Variants in CSMD1 observed in about 807,000 individuals in gnomAD.
CSMD1 encodes CUB and sushi domain-containing protein 1.
A neutral mutation model predicts 417.5 loss-of-function variants in CSMD1; 213 were observed. The ratio of observed to expected loss-of-function variants is 0.51; its 90% CI spans 0.46 to 0.57. CSMD1 has a LOEUF of 0.57. Ranked by LOEUF, CSMD1 falls within the 20% of genes least tolerant of loss-of-function variation. The probability of loss-of-function intolerance (pLI) is 0.00; values close to 1 mark genes in which losing one functional copy is unlikely to be tolerated. For synonymous variants in CSMD1, 2,862 were observed against 1,736.8 expected, an observed-to-expected ratio of 1.65 and a Z score of -16.11; for missense variants, 6,923 against 4,529.7, an observed-to-expected ratio of 1.53 and a Z score of -15.17.
chr8:3,683,828 C>A lies in CSMD1; in HGVS notation c.1009+24586G>T, dbSNP rs188842302. Among the ~76,000 whole-genome samples, 16 of 152,144 alleles carry A rather than the reference C, an allele frequency of 1.1e-4. No individual in the cohort carries two copies. In the East Asian group the frequency reaches 2.9e-3, roughly 28 times the overall value. ...TTGATAAAACCAATGTTTGCGTAAT[C>A]ATTCTAAGATGTAAAGAATATTCAT... On this transcript the variant is annotated intron_variant, in intron 7 of 69. Transcript: ENST00000635120.
intron 2 of CSMD1, among the ~76,000 whole-genome samples, chr8:4,552,716 G>T (rs1047604076): frequency 6.6e-6 from 1 of 152,120 alleles, no homozygotes; most frequent in African/African-American, 2.4e-5. Flanking sequence ...ATGCTCAGAA[G>T]CTTTAAAATT....
intron 7 of CSMD1, among the ~76,000 whole-genome samples, chr8:3,623,073 C>A (rs9650509): frequency 0.39 from 58,784 of 151,654 alleles, 11,529 homozygotes; most frequent in Middle Eastern, 0.48. Flanking sequence ...TAGATTGGTT[C>A]ATTACACACC....
chr8:3,292,879 C>G (rs1036886188), intron 25 of CSMD1, among the ~76,000 whole-genome samples: 21 of 151,456 alleles, frequency 1.4e-4, no homozygotes, highest in African/African-American at 2.9e-4. Context: ...ATGATGTTAG[C>G]TGGTTATTTT....
At chr8:3,833,557 T>G (rs1266005663) in intron 5 of CSMD1, among the ~76,000 whole-genome samples, 4 of 152,120 alleles carry the variant, frequency 2.6e-5, no homozygotes, top group Non-Finnish European at 5.9e-5. Flanking sequence ...GTGTCCTAAG[T>G]GGTAATCAAC....
chr8:4,194,917 G>A (rs891386347), intron 3 of CSMD1, among the ~76,000 whole-genome samples: 2 of 151,870 alleles, frequency 1.3e-5, no homozygotes, highest in African/African-American at 4.9e-5. Flanking sequence ...TTTAATGGGA[G>A]ATCACAGTAG....
At chr8:3,136,164 A>T (rs927342713) in intron 41 of CSMD1, among the ~76,000 whole-genome samples, 4 of 152,080 alleles carry the variant, frequency 2.6e-5, no homozygotes, top group African/African-American at 9.7e-5. Flanking sequence ...TAGTCCTAGA[A>T]TATGATCAAG....
intron 5 of CSMD1, among the ~76,000 whole-genome samples, chr8:3,754,409 C>A (rs1302643688): frequency 6.6e-6 from 1 of 150,564 alleles, no homozygotes; most frequent in Non-Finnish European, 1.5e-5. Flanking sequence ...TTCTGTGTTT[C>A]ACAATTTGAA....
At chr8:3,060,372 CTGAACTCCT>C (rs966870607) in intron 49 of CSMD1, among the ~76,000 whole-genome samples, 47 of 152,166 alleles carry the variant, frequency 3.1e-4, no homozygotes, top group African/African-American at 7.9e-4. Flanking sequence ...TCTTGAACTC[CTGAACTCCT>C]TGAACTCCTT....
At chr8:3,609,392 A>G (rs1346562732) in intron 8 of CSMD1, among the ~76,000 whole-genome samples, 1 of 152,210 alleles carries the variant, frequency 6.6e-6, no homozygotes, top group Non-Finnish European at 1.5e-5. Context: ...ACAGTGGTCT[A>G]TGGTGAAAAA....
intron 2 of CSMD1, among the ~76,000 whole-genome samples, chr8:4,529,080 G>C (rs1796666402): frequency 6.6e-6 from 1 of 152,100 alleles, no homozygotes; most frequent in African/African-American, 2.4e-5. Context: ...TTGATCAGAG[G>C]ATAAAGAACT....
At chr8:3,083,648 ATTTTTTTTTTTTTTTTTTTTT>A (rs34049524) in intron 49 of CSMD1, among the ~76,000 whole-genome samples, 13 of 13,572 alleles carry the variant, frequency 9.6e-4, no homozygotes, top group Middle Eastern at 0.071. Flanking sequence ...ATATATATAT[ATTTTTTTTTTTTTTTTTTTTT>A]TTTTTTTTTT....
intron 5 of CSMD1, among the ~76,000 whole-genome samples, chr8:3,997,444 A>G (rs1182799860): frequency 6.6e-6 from 1 of 152,200 alleles, no homozygotes; most frequent in Admixed American, 6.5e-5. Flanking sequence ...AGCCACGGGC[A>G]CTTCCCCACA....
chr8:3,187,586 C>T (rs10216986), intron 36 of CSMD1, among the ~76,000 whole-genome samples: 41,303 of 151,964 alleles, frequency 0.27, 6,283 homozygotes, highest in Non-Finnish European at 0.36. Flanking sequence ...CCTCACATTA[C>T]TATTCCTGGC....
chr8:3,500,612 G>A (rs1482534250), intron 10 of CSMD1, among the ~76,000 whole-genome samples: 1 of 152,184 alleles, frequency 6.6e-6, no homozygotes, highest in Non-Finnish European at 1.5e-5. Context: ...AGGACACCAA[G>A]AATATGGTGT....
intron 25 of CSMD1, among the ~76,000 whole-genome samples, chr8:3,285,463 T>C (rs1458548411): frequency 2.0e-5 from 3 of 151,882 alleles, no homozygotes; most frequent in Non-Finnish European, 2.9e-5. Context: ...CTTGGCTCAC[T>C]GCAACCTCTA....
At chr8:4,281,954 T>A (rs540180045) in intron 3 of CSMD1, among the ~76,000 whole-genome samples, 141 of 152,328 alleles carry the variant, frequency 9.3e-4, no homozygotes, top group Non-Finnish European at 1.5e-3. Flanking sequence ...CTGTTAGGGC[T>A]TGATCAGGTT....
chr8:4,701,010 C>T (rs562440106), intron 1 of CSMD1, among the ~76,000 whole-genome samples: 112 of 152,148 alleles, frequency 7.4e-4, no homozygotes, highest in African/African-American at 2.6e-3. Context: ...TGGGGTTTAT[C>T]GGTGAACGGG....
At chr8:4,702,935 A>G (rs1807678260) in intron 1 of CSMD1, among the ~76,000 whole-genome samples, 1 of 152,228 alleles carries the variant, frequency 6.6e-6, no homozygotes, top group Admixed American at 6.5e-5. Flanking sequence ...TAAAATGACA[A>G]AATTACCCTT....
At chr8:4,122,047 T>C (rs1350279855) in intron 3 of CSMD1, among the ~76,000 whole-genome samples, 1 of 152,052 alleles carries the variant, frequency 6.6e-6, no homozygotes, top group African/African-American at 2.4e-5. Context: ...TATAACTACA[T>C]GTTCCTTTTA....
Sources: allele counts gnomAD v4.1 joint callset (sites outside exome capture counted in the v4.1 genomes callset), GRCh38; gene constraint gnomAD v4.1.1; transcripts MANE v1.5; gene names NCBI Gene and HGNC (gene_info 2026-07-23, HGNC 2026-07-21).